SMTN: variants seen among roughly 807,000 people sequenced by gnomAD.
SMTN encodes the protein smoothelin.
Under a neutral mutation model 102.0 loss-of-function variants are expected in SMTN, and 58 were observed. The observed-to-expected ratio is 0.57, with a 90% confidence interval of 0.46 to 0.71. The LOEUF is 0.71. Among genes scored for constraint, SMTN ranks in the 30% least tolerant of loss-of-function variants. SMTN has a pLI of 0.00. For missense variants in SMTN, 1,185 were observed against 1,241.7 expected (o/e 0.95, Z 0.69); for synonymous variants, 478 against 497.9 (o/e 0.96, Z 0.53).
intron 1 of SMTN, among the ~76,000 whole-genome samples, chr22:31,074,817 C>T (rs1399104405): frequency 6.6e-6 from 1 of 151,986 alleles, no homozygotes; most frequent in East Asian, 1.9e-4. Flanking sequence ...AAAACAACAA[C>T]AACAACAACA....
At chr22:31,098,538 C>A in intron 16 of SMTN, 129 bp from the exon 17 acceptor site, 1 of 839,730 alleles carries the variant, frequency 1.2e-6, no homozygotes, top group East Asian at 2.6e-5. Context: ...CGCCTCCCTC[C>A]CTGGCAGGCG....
At chr22:31,094,459 C>A (rs1028255118) in intron 11 of SMTN, among the ~76,000 whole-genome samples, 3 of 152,212 alleles carry the variant, frequency 2.0e-5, no homozygotes, top group Non-Finnish European at 4.4e-5. Context: ...CATGTGCTGC[C>A]TGGGCACTGG....
At chr22:31,100,392 T>G (rs1341801344) in intron 19 of SMTN, among the ~76,000 whole-genome samples, 1 of 152,036 alleles carries the variant, frequency 6.6e-6, no homozygotes, top group East Asian at 1.9e-4. Context: ...CACCTCACCC[T>G]CAGCACCCTT....
At chr22:31,083,623 AT>A (rs1419566282) in intron 2 of SMTN, 1 of 254,088 alleles carries the variant, frequency 3.9e-6, no homozygotes, top group Non-Finnish European at 7.7e-6. Flanking sequence ...CTCCAGAGCA[AT>A]AGCTCGGGCA....
At chr22:31,098,606 T>G in intron 16 of SMTN, 61 bp from the exon 17 acceptor site, 1 of 1,538,874 alleles carries the variant, frequency 6.5e-7, no homozygotes, top group South Asian at 1.2e-5. Context: ...TCGCGAGTGG[T>G]GGTCCAGGCT....
chr22:31,089,137 T>A (rs1227420219), intron 6 of SMTN, among the ~76,000 whole-genome samples, 168 bp downstream of exon 6: 1 of 152,172 alleles, frequency 6.6e-6, no homozygotes, highest in African/African-American at 2.4e-5. Flanking sequence ...AATCCGGCCC[T>A]GGCACCTCCC....
At chr22:31,101,147 G>A (rs961057048) in intron 20 of SMTN, 98 bp downstream of exon 20, 19 of 1,196,390 alleles carry the variant, frequency 1.6e-5, no homozygotes, top group South Asian at 4.5e-5. Flanking sequence ...AGTAAGGGGG[G>A]CATTTAGTCA....
chr22:31,084,943 G>A (rs940420856), intron 2 of SMTN: 21 of 1,364,848 alleles, frequency 1.5e-5, no homozygotes, highest in Non-Finnish European at 1.9e-5. Context: ...TCCTCCCCGC[G>A]GGGCCGGGCC....
intron 1 of SMTN, chr22:31,065,635 C>G (rs2041829508): frequency 6.6e-6 from 1 of 151,746 alleles, no homozygotes; most frequent in African/African-American, 2.4e-5. Context: ...CAGACGTGAG[C>G]CACCGCGCCT....
chr22:31,080,318 C>T (rs1365125253), upstream of SMTN: 1 of 152,230 alleles, frequency 6.6e-6, no homozygotes, highest in Non-Finnish European at 1.5e-5. Flanking sequence ...CACAGCTTTA[C>T]TACTTATCAG....
rs1393788767 is a variant in SMTN, at chr22:31,095,791, C to G, written c.1861+182C>G. 4 of 607,524 alleles carry G rather than the reference C, an allele frequency of 6.6e-6. No individual in the cohort carries two copies. The highest frequency in any genetic ancestry group is 1.2e-5 in the Non-Finnish European group (4 of 344,732). 37.6% of individuals were successfully genotyped at this position (607,524 alleles called of 1,614,324 possible). ...GGATCCAGCTGCTCCTTCCCTAGCTCCTTCTCTCCCGCTGGTGACCCCAGT... is the reference window on the plus strand; with the variant it reads ...GGATCCAGCTGCTCCTTCCCTAGCTGCTTCTCTCCCGCTGGTGACCCCAGT... On this transcript the variant is annotated intron_variant, in intron 13 of 20. Transcript: ENST00000333137. This position sits in a 1 kb window ranked among gnomAD's most constrained non-coding sequence, Gnocchi z 4.1.
At chr22:31,097,238 C>A in intron 15 of SMTN, 31 bp from the exon 16 acceptor site, 1 of 1,611,542 alleles carries the variant, frequency 6.2e-7, no homozygotes, top group South Asian at 1.1e-5. Context: ...AGCCCAGGCC[C>A]TCACCTGGTG....
chr22:31,093,430 A>AGAGAT, intron 11 of SMTN: 1 of 494,190 alleles, frequency 2.0e-6, no homozygotes, highest in Non-Finnish European at 3.9e-6. Context: ...TACCCCCCAT[A>AGAGAT]GAGTCCCCAC....
Position 31,091,101 on chromosome 22 carries a change from A to AC in SMTN, c.1083dup (p.Ala362ArgfsTer27), listed in dbSNP as rs772953295. 2 of 1,612,636 alleles carry AC rather than the reference A, an allele frequency of 1.2e-6. No individual in the cohort carries two copies. Among genetic ancestry groups the AC allele is most frequent in the South Asian group, 1.1e-5 (1 of 90,970 alleles). On this transcript the variant is annotated frameshift_variant, in exon 10 of 21. Transcript: ENST00000333137. LOFTEE classifies it high-confidence loss of function. ...ACCCCAGGCTGCCCTAAGTCCCCTG[A>AC]CCCCCGCAAGGCTCCTGGGCCCCTC...
At chr22:31,100,470 TCTC>T (rs2043984975) in intron 19 of SMTN, among the ~76,000 whole-genome samples, 1 of 151,218 alleles carries the variant, frequency 6.6e-6, no homozygotes, top group East Asian at 2.0e-4. Context: ...TCCTCCTCCT[TCTC>T]CTCTTCCTCC....
Position 31,088,857 on chromosome 22 carries a change from C to T in SMTN, c.374-15C>T. ...CTCCCTGTCACTCACCTGCCACTTG[C>T]TCCTTCCCTTCCAGCTGCCACCTTG... On this transcript the variant is annotated splice_polypyrimidine_tract_variant and intron_variant, in intron 5 of 20. Transcript: ENST00000333137. 3 of 1,613,768 alleles carry T rather than the reference C, an allele frequency of 1.9e-6. No homozygotes were observed. Among genetic ancestry groups the T allele is most frequent in the Non-Finnish European group, 2.5e-6 (3 of 1,179,796 alleles).
chr22:31,083,038 C>A, intron 1 of SMTN, 141 bp from the exon 2 acceptor site: 1 of 1,403,688 alleles, frequency 7.1e-7, no homozygotes, highest in Non-Finnish European at 9.9e-7. Flanking sequence ...GGGCAGAGGG[C>A]AGCTTCCAGC....
intron 20 of SMTN, chr22:31,101,926 AGATGACTGGAATAGC>A (rs2044128601): frequency 6.6e-6 from 1 of 152,202 alleles, no homozygotes; most frequent in South Asian, 2.1e-4. Flanking sequence ...GGGATGGACT[AGATGACTGGAATAGC>A]TTAAGAGCTA....
intron 19 of SMTN, 124 bp from the exon 20 acceptor site, chr22:31,100,761 T>G (rs2044018083): frequency 3.2e-6 from 2 of 624,430 alleles, no homozygotes; most frequent in Non-Finnish European, 5.8e-6. Context: ...TGTGTGTGTG[T>G]GTATGTGTGT....
Sources: gnomAD v4.1 joint callset for allele counts (sites outside exome capture counted in the v4.1 genomes callset) on GRCh38, gnomAD v4.1.1 for gene constraint, Gnocchi (gnomAD v3.1) non-coding constraint, MANE v1.5 for transcripts, NCBI Gene and HGNC (gene_info 2026-07-23, HGNC 2026-07-21) for gene names.